Variants in MTX2 observed in about 807,000 individuals in gnomAD.
MTX2 encodes the protein metaxin-2.
MTX2 carries 35 observed loss-of-function variants against 42.3 expected under a neutral mutation model. The observed-to-expected ratio is 0.83, with a 90% confidence interval of 0.63 to 1.10. The LOEUF (loss-of-function observed/expected upper bound fraction) is 1.10. Ranked by LOEUF, MTX2 falls within the 50% of genes least tolerant of loss-of-function variation. MTX2 has a pLI of 0.00. For missense variants in MTX2, 307 were observed against 304.1 expected, an observed-to-expected ratio of 1.01 and a Z score of -0.07; for synonymous variants, 119 against 100.9, an observed-to-expected ratio of 1.18 and a Z score of -1.08.
intron 5 of MTX2, among the ~76,000 whole-genome samples, chr2:176,327,668 T>C (rs1167187258): frequency 6.7e-6 from 1 of 150,324 alleles, no homozygotes; most frequent in Admixed American, 6.7e-5. Flanking sequence ...TCATGGCCAA[T>C]TTTTTGTTTT....
chr2:176,304,373 GGAATTT>G (rs1684095209), intron 3 of MTX2: 1 of 153,438 alleles, frequency 6.5e-6, no homozygotes, highest in African/African-American at 2.4e-5. Context: ...CAGGTACAAA[GGAATTT>G]GTTATTTTGT....
At chr2:176,271,214 A>T (rs1290908758) in intron 1 of MTX2, among the ~76,000 whole-genome samples, 1 of 152,222 alleles carries the variant, frequency 6.6e-6, no homozygotes, top group Non-Finnish European at 1.5e-5. Flanking sequence ...TGGTGTTGGA[A>T]CAACTACTAA....
chr2:176,335,735 T>A (rs1408771539), intron 9 of MTX2, among the ~76,000 whole-genome samples: 2 of 151,932 alleles, frequency 1.3e-5, no homozygotes, highest in African/African-American at 2.4e-5. Flanking sequence ...TTTTGGGAAG[T>A]TTGGGGGACA....
At chr2:176,276,878 T>C (rs1692960324) in intron 1 of MTX2, among the ~76,000 whole-genome samples, 1 of 152,230 alleles carries the variant, frequency 6.6e-6, no homozygotes, top group Non-Finnish European at 1.5e-5. Flanking sequence ...AATTTATTAA[T>C]CTTTTGAAAT....
chr2:176,288,162 T>A (rs1051165795), intron 1 of MTX2, among the ~76,000 whole-genome samples: 1 of 152,132 alleles, frequency 6.6e-6, no homozygotes, highest in Non-Finnish European at 1.5e-5. Context: ...ATTTTTGACT[T>A]GCACTATAGT....
chr2:176,275,875 G>C (rs1280870298), intron 1 of MTX2, among the ~76,000 whole-genome samples: 1 of 152,210 alleles, frequency 6.6e-6, no homozygotes, highest in Non-Finnish European at 1.5e-5. Context: ...CAAAAGAAGG[G>C]AGAGAGGTGT....
At chr2:176,319,279 T>C (rs1296177715) in intron 3 of MTX2, among the ~76,000 whole-genome samples, 2 of 152,164 alleles carry the variant, frequency 1.3e-5, no homozygotes, top group Non-Finnish European at 2.9e-5. Flanking sequence ...GTATTTTTTG[T>C]GCTGATAAGA....
intron 1 of MTX2, among the ~76,000 whole-genome samples, chr2:176,270,745 A>G (rs6720043): frequency 0.26 from 40,010 of 151,964 alleles, 5,627 homozygotes; most frequent in African/African-American, 0.34. Context: ...ATTATTTTTT[A>G]GAGGAGAGAA....
chr2:176,296,979 C>G (rs1341252884), intron 2 of MTX2, 72 bp downstream of exon 2: 2 of 1,361,468 alleles, frequency 1.5e-6, no homozygotes, highest in African/African-American at 1.4e-5. Flanking sequence ...CTCAGTAATA[C>G]AATTTACTGC....
chr2:176,269,621 C>A lies in MTX2; in HGVS notation c.-9C>A, dbSNP rs745666706. The A allele has an allele frequency of 6.3e-7, 1 of 1,588,986 alleles. No individual in the cohort carries two copies. Among genetic ancestry groups the A allele is most frequent in the East Asian group, 2.3e-5 (1 of 43,704 alleles). On this transcript the variant is annotated 5_prime_UTR_variant, in exon 1 of 10. Transcript: ENST00000249442. ...GGCAGGCACCCGGGCGCCGGGCCTC[C>A]CAGCCGACATGTCTCTAGTGGCGGA...
At chr2:176,326,432 C>G (rs1280208130) in intron 4 of MTX2, among the ~76,000 whole-genome samples, 2 of 151,598 alleles carry the variant, frequency 1.3e-5, no homozygotes, top group Non-Finnish European at 3.0e-5. Flanking sequence ...ATTCACTGTA[C>G]TCTGAAAAGA....
At chr2:176,329,023 G>A in intron 7 of MTX2, 111 bp downstream of exon 7, 1 of 1,024,654 alleles carries the variant, frequency 9.8e-7, no homozygotes, top group Non-Finnish European at 1.5e-6. Flanking sequence ...TACCATTAGT[G>A]ATATAGTTTT....
intron 1 of MTX2, among the ~76,000 whole-genome samples, chr2:176,290,194 G>C (rs998186051): frequency 1.3e-5 from 2 of 152,068 alleles, no homozygotes; most frequent in African/African-American, 4.8e-5. Flanking sequence ...GGAACAATTT[G>C]AGCAAAGTCA....
intron 3 of MTX2, among the ~76,000 whole-genome samples, chr2:176,305,525 A>G (rs539683752): frequency 4.7e-4 from 72 of 152,126 alleles, no homozygotes; most frequent in Admixed American, 1.1e-3. Context: ...TGTAAACAAG[A>G]TAGACATGGT....
chr2:176,336,429 G>A (rs570932268), intron 9 of MTX2, among the ~76,000 whole-genome samples: 4 of 152,102 alleles, frequency 2.6e-5, no homozygotes, highest in Admixed American at 2.0e-4. Context: ...TTGTGATTGG[G>A]TATCATTTTT....
intron 1 of MTX2, among the ~76,000 whole-genome samples, chr2:176,279,664 T>C (rs1301359092): frequency 6.6e-6 from 1 of 152,140 alleles, no homozygotes; most frequent in Non-Finnish European, 1.5e-5. Context: ...AGTTGGCTAG[T>C]CCAGGAGAAC....
intron 9 of MTX2, among the ~76,000 whole-genome samples, chr2:176,336,741 A>G (rs576209351): frequency 1.3e-5 from 2 of 152,292 alleles, no homozygotes; most frequent in Non-Finnish European, 2.9e-5. Context: ...CTAGCAAATC[A>G]TATTTTTTTT....
rs1685022066 is a variant in MTX2 at position 176,337,515 on chromosome 2, G to A, written c.643G>A (p.Val215Ile). The A allele has an allele frequency of 1.2e-6, 2 of 1,606,314 alleles. No homozygotes were observed. Among genetic ancestry groups the A allele is most frequent in the South Asian group, 2.2e-5 (2 of 89,566 alleles). The change falls in exon 10 of 10, where the codon GTA (valine) becomes ATA (isoleucine). Residue 215 changes from valine (V) to isoleucine (I), a missense_variant. Coordinates refer to ENST00000249442, the MANE Select transcript of MTX2 (RefSeq NM_006554.5). ...NKQPTELDAL[V>I]FGHLYTILTT... is the part of the protein sequence containing the mutation. Reference sequence around the variant, plus strand: ...TAGGCCTACTGAACTTGACGCACTGGTATTTGGCCATCTATACACCATTCT... The same window carrying A: ...TAGGCCTACTGAACTTGACGCACTGATATTTGGCCATCTATACACCATTCT...
chr2:176,280,857 T>G (rs1693062527), intron 1 of MTX2, among the ~76,000 whole-genome samples: 1 of 152,170 alleles, frequency 6.6e-6, no homozygotes, highest in Non-Finnish European at 1.5e-5. Flanking sequence ...AATGAACCAG[T>G]CTAAGGAGAG....
Sources: allele counts gnomAD v4.1 joint callset (sites outside exome capture counted in the v4.1 genomes callset), GRCh38; gene constraint gnomAD v4.1.1; transcripts MANE v1.5; gene names NCBI Gene and HGNC (gene_info 2026-07-23, HGNC 2026-07-21).